Variants in SKAP2 observed in about 807,000 individuals in gnomAD.
The protein encoded by SKAP2 is src kinase associated phosphoprotein 2.
In SKAP2, 28 loss-of-function variants were observed where a neutral mutation model predicts 54.9. The ratio of observed to expected loss-of-function variants is 0.51; its 90% CI spans 0.38 to 0.70. The LOEUF (loss-of-function observed/expected upper bound fraction) is 0.70, where lower values mean the gene tolerates loss of function less well. Ranked by LOEUF, SKAP2 falls within the 30% of genes least tolerant of loss-of-function variation. The pLI is 0.00. For synonymous variants in SKAP2, 137 were observed against 134.3 expected (o/e 1.02, Z -0.14); for missense variants, 356 against 424.1 (o/e 0.84, Z 1.41).
chr7:26,805,538 C>T (rs750122858), intron 4 of SKAP2, among the ~76,000 whole-genome samples: 5 of 151,990 alleles, frequency 3.3e-5, no homozygotes, highest in African/African-American at 4.8e-5. Flanking sequence ...GCTCTTTCTT[C>T]GGGGGAAGCC....
chr7:26,820,256 C>G (rs1210293931), intron 4 of SKAP2, among the ~76,000 whole-genome samples: 1 of 152,122 alleles, frequency 6.6e-6, no homozygotes, highest in African/African-American at 2.4e-5. Flanking sequence ...AAAACATAAT[C>G]CTTCCACTTG....
At chr7:26,779,512 T>A (rs1783381436) in intron 4 of SKAP2, among the ~76,000 whole-genome samples, 1 of 152,086 alleles carries the variant, frequency 6.6e-6, no homozygotes, top group South Asian at 2.1e-4. Flanking sequence ...AGAAATGGAA[T>A]ACATTTTAAT....
At chr7:26,806,202 G>C (rs1784021133) in intron 4 of SKAP2, among the ~76,000 whole-genome samples, 2 of 152,046 alleles carry the variant, frequency 1.3e-5, no homozygotes, top group South Asian at 4.1e-4. Context: ...TTGAAATTAG[G>C]CCAATTAATA....
At chr7:26,808,336 C>T (rs1383714530) in intron 4 of SKAP2, among the ~76,000 whole-genome samples, 1 of 152,066 alleles carries the variant, frequency 6.6e-6, no homozygotes, top group Admixed American at 6.6e-5. Flanking sequence ...CCCTTAAAGA[C>T]ATTATGCTAA....
In SKAP2 at chr7:26,744,613, A is replaced by C. The variant is rs539389319; in HGVS notation, c.308-4649T>G. Among the ~76,000 whole-genome samples, 10 of 152,164 alleles carry C rather than the reference A, an allele frequency of 6.6e-5. No individual in the cohort carries two copies. In the South Asian group the frequency reaches 2.1e-3, roughly 32 times the overall value. On this transcript the variant is annotated intron_variant, in intron 4 of 12. Transcript: ENST00000345317. ...TTTCTTTTTTATTTAGATTTCTCAA[A>C]TCTAAATGAACAAATGTTGATTCAC...
At chr7:26,798,495 CCTACA>C (rs1280634182) in intron 4 of SKAP2, among the ~76,000 whole-genome samples, 1 of 151,994 alleles carries the variant, frequency 6.6e-6, no homozygotes, top group East Asian at 1.9e-4. Flanking sequence ...CCAGACCTGT[CCTACA>C]AGAAATGCAA....
intron 4 of SKAP2, among the ~76,000 whole-genome samples, chr7:26,798,261 G>C (rs1233013342): frequency 6.6e-6 from 1 of 151,878 alleles, no homozygotes; most frequent in African/African-American, 2.4e-5. Context: ...AACCTTATAG[G>C]CCAGGAGAGA....
In SKAP2 at chr7:26,682,138, G is replaced by T. The variant is rs546073933; in HGVS notation, c.987+2598C>A. 2.9e-3 allele frequency among the ~76,000 whole-genome samples: 434 copies of T among 152,230 alleles called. 4 individuals carry two copies. The highest frequency in any genetic ancestry group is 0.01 in the African/African-American group (416 of 41,528). On this transcript the variant is annotated intron_variant, in intron 11 of 12. Transcript: ENST00000345317. ...TTTCTATACTAATTGTACTTAATTT[G>T]TAATAATATCAAGCATTCAAAATTG...
At chr7:26,691,817 G>T (rs78016381) in intron 9 of SKAP2, among the ~76,000 whole-genome samples, 1,810 of 152,284 alleles carry the variant, frequency 0.012, 35 homozygotes, top group African/African-American at 0.041. Context: ...AAAGAAAAAG[G>T]CATGTTCATA....
chr7:26,763,921 T>C (rs1782987044), intron 4 of SKAP2, among the ~76,000 whole-genome samples: 1 of 152,118 alleles, frequency 6.6e-6, no homozygotes, highest in African/African-American at 2.4e-5. Flanking sequence ...ACAGTAAAAA[T>C]ACACTATTAT....
intron 9 of SKAP2, among the ~76,000 whole-genome samples, chr7:26,717,509 C>CAA (rs58826714): frequency 0.015 from 351 of 23,122 alleles, 74 homozygotes; most frequent in Admixed American, 0.039. Context: ...GACCCCATCT[C>CAA]AAAAAAAAAA....
chr7:26,787,468 G>A (rs892931085), intron 4 of SKAP2, among the ~76,000 whole-genome samples: 5 of 151,948 alleles, frequency 3.3e-5, no homozygotes, highest in Admixed American at 2.0e-4. Flanking sequence ...GACTACAGGC[G>A]TGCACCACCC....
At position 26,821,894 on chromosome 7, in the gene SKAP2, C is replaced by T. The variant is rs113091916; in HGVS notation, c.307+22136G>A. Among the ~76,000 whole-genome samples the T allele has an allele frequency of 2.7e-3, 410 of 152,290 alleles. 4 individuals are homozygous for T. Among genetic ancestry groups the T allele is most frequent in the African/African-American group, 9.4e-3 (392 of 41,560 alleles). ...CAAGCCCTTCCTTTCTTCTACACTT[C>T]CAGCTCCCTCCCATAACAAACTAAA... On this transcript the variant is annotated intron_variant, in intron 4 of 12. Transcript: ENST00000345317.
chr7:26,830,106 C>T (rs759994435), intron 4 of SKAP2, among the ~76,000 whole-genome samples: 16 of 152,086 alleles, frequency 1.1e-4, no homozygotes, highest in Non-Finnish European at 2.4e-4. Flanking sequence ...ACCTTGAAAA[C>T]ATTATGCTAA....
chr7:26,855,610 A>G (rs1252051247), intron 1 of SKAP2, among the ~76,000 whole-genome samples: 1 of 152,150 alleles, frequency 6.6e-6, no homozygotes, highest in Non-Finnish European at 1.5e-5. Flanking sequence ...ATAGTCACCA[A>G]GAAACAAGAT....
chr7:26,697,570 G>T (rs1235878871), intron 9 of SKAP2, among the ~76,000 whole-genome samples: 1 of 151,982 alleles, frequency 6.6e-6, no homozygotes, highest in African/African-American at 2.4e-5. Flanking sequence ...TTTAGTCCAG[G>T]AAAGTCTGAA....
intron 4 of SKAP2, among the ~76,000 whole-genome samples, chr7:26,790,539 C>T (rs1403786855): frequency 6.6e-6 from 1 of 152,172 alleles, no homozygotes; most frequent in East Asian, 1.9e-4. Flanking sequence ...AGTTATAATT[C>T]AATTACTGTT....
intron 4 of SKAP2, among the ~76,000 whole-genome samples, chr7:26,790,550 G>T (rs1337139451): frequency 1.3e-5 from 2 of 152,084 alleles, no homozygotes; most frequent in African/African-American, 4.8e-5. Flanking sequence ...AATTACTGTT[G>T]GGATTTAATA....
intron 4 of SKAP2, among the ~76,000 whole-genome samples, chr7:26,741,221 A>T (rs4722633): frequency 0.73 from 111,089 of 151,970 alleles, 41,677 homozygotes; most frequent in African/African-American, 0.9. Flanking sequence ...TTGTACATTT[A>T]AAAATAACTA....
Sources: allele counts gnomAD v4.1 joint callset (sites outside exome capture counted in the v4.1 genomes callset), GRCh38; gene constraint gnomAD v4.1.1; transcripts MANE v1.5; gene names NCBI Gene and HGNC (gene_info 2026-07-23, HGNC 2026-07-21).